The following TNRC6B variants were observed in gnomAD, a reference collection of about 807,000 sequenced individuals.
The protein encoded by TNRC6B is trinucleotide repeat-containing gene 6B protein.
TNRC6B carries 52 observed loss-of-function variants against 203.6 expected under a neutral mutation model. That is an observed-to-expected ratio of 0.26 (90% CI 0.20 to 0.32). The LOEUF is 0.32. Ranked by LOEUF, TNRC6B falls within the 10% of genes least tolerant of loss-of-function variation. The pLI, the probability that TNRC6B is intolerant of heterozygous loss-of-function variation, is 1.00. For missense variants in TNRC6B, 1,923 were observed against 2,286.2 expected, an observed-to-expected ratio of 0.84 and a Z score of 3.24; for synonymous variants, 838 against 845.7, an observed-to-expected ratio of 0.99 and a Z score of 0.16.
In TNRC6B at chr22:40,285,648, G is replaced by A. The variant is rs767892512; in HGVS notation, c.3586G>A (p.Gly1196Ser). The A allele has an allele frequency of 1.6e-5, 25 of 1,611,886 alleles. No individual in the cohort carries two copies. The highest frequency in any genetic ancestry group is 5.3e-5 in the African/African-American group (4 of 74,858). ...NPQNFAARQG[G>S]SHGLFGNSTA... ...ACTGCTGCTTTTCTGTTTACAGGGCGGTAGTCATGGTTTGTTTGGAAACAG... is the reference window on the plus strand; with the variant it reads ...ACTGCTGCTTTTCTGTTTACAGGGCAGTAGTCATGGTTTGTTTGGAAACAG... The change falls in exon 12 of 23, where the codon GGT (glycine) becomes AGT (serine). Residue 1196 changes from glycine (G) to serine (S), a missense_variant. Coordinates refer to ENST00000454349, the MANE Select transcript of TNRC6B (RefSeq NM_001162501.2).
intron 1 of TNRC6B, among the ~76,000 whole-genome samples, chr22:40,198,124 A>G (rs898660373): frequency 6.6e-6 from 1 of 152,118 alleles, no homozygotes; most frequent in African/African-American, 2.4e-5. Context: ...AGTCATTTGT[A>G]ATTAGACAAT....
chr22:40,256,517 A>T (rs2070280357), intron 3 of TNRC6B, among the ~76,000 whole-genome samples: 1 of 152,140 alleles, frequency 6.6e-6, no homozygotes, highest in Non-Finnish European at 1.5e-5. Context: ...TTTATTGGAG[A>T]AAAAATGGGG....
rs2069632558 is a variant in TNRC6B at position 40,216,183 on chromosome 22, G to GTCAGCTTTTTCTT, written c.6-29829_6-29817dup. 2.6e-5 allele frequency among the ~76,000 whole-genome samples: 4 copies of GTCAGCTTTTTCTT among 152,308 alleles called. No homozygotes were observed. The South Asian group carries it at 8.3e-4, about 32-fold the overall frequency. On this transcript the variant is annotated intron_variant, in intron 1 of 22. Coordinates refer to ENST00000454349, the MANE Select transcript of TNRC6B (RefSeq NM_001162501.2). ...AGATGCCCCGTCTGCTTCTTACCTAGTCAGCTTTTTCTTTCTTGGGCCTCA... is the reference window on the plus strand; with the variant it reads ...AGATGCCCCGTCTGCTTCTTACCTAGTCAGCTTTTTCTTTCAGCTTTTTCTTTCTTGGGCCTCA...
chr22:40,202,522 A>G (rs899184387), intron 1 of TNRC6B, among the ~76,000 whole-genome samples: 7 of 152,102 alleles, frequency 4.6e-5, no homozygotes, highest in African/African-American at 1.7e-4. Flanking sequence ...AAAGGAGTCC[A>G]TCTTTCAGAA....
chr22:40,131,167 G>A (rs1398374462), intron 3 of TNRC6B, among the ~76,000 whole-genome samples: 2 of 152,054 alleles, frequency 1.3e-5, no homozygotes, highest in Admixed American at 6.6e-5. Flanking sequence ...TGATCCGCCC[G>A]CCTCAGCCTC....
At chr22:40,261,084 A>C (rs2070374707) in intron 3 of TNRC6B, among the ~76,000 whole-genome samples, 1 of 152,046 alleles carries the variant, frequency 6.6e-6, no homozygotes, top group Non-Finnish European at 1.5e-5. Flanking sequence ...GTTCGAGACC[A>C]GTCTAGGTAG....
chr22:40,321,897 A>G (rs1438507901), intron 22 of TNRC6B: 1 of 152,330 alleles, frequency 6.6e-6, no homozygotes, highest in Non-Finnish European at 1.5e-5. Context: ...CTTGGGGGGT[A>G]GCAGGGTCTT....
rs572227537 is a variant in TNRC6B, at chr22:40,285,471, A to G, written c.3583-174A>G. On this transcript the variant is annotated intron_variant, in intron 11 of 22. Coordinates refer to ENST00000454349, the MANE Select transcript of TNRC6B (RefSeq NM_001162501.2). ...AAACTGTACAGGTGCCCATGAGTCAATCTGAGTAATTGCCCCAAGCCTTCT... is the reference window on the plus strand; with the variant it reads ...AAACTGTACAGGTGCCCATGAGTCAGTCTGAGTAATTGCCCCAAGCCTTCT... 5.3e-5 allele frequency among the ~76,000 whole-genome samples: 8 copies of G among 152,340 alleles called. No individual in the cohort carries two copies. In the East Asian group the frequency reaches 9.6e-4, roughly 18 times the overall value.
chr22:40,177,000 A>G (rs1410763995), upstream of TNRC6B, among the ~76,000 whole-genome samples: 2 of 152,140 alleles, frequency 1.3e-5, no homozygotes, highest in Non-Finnish European at 2.9e-5. Context: ...GAGGATGGGT[A>G]AGGGACTTAC....
At chr22:40,140,403 C>T (rs2068635160) in intron 3 of TNRC6B, among the ~76,000 whole-genome samples, 1 of 152,200 alleles carries the variant, frequency 6.6e-6, no homozygotes, top group South Asian at 2.1e-4. Context: ...AGGTTCTTCT[C>T]TCCTTTCTGC....
At chr22:40,067,104 A>G (rs2067900794) in intron 1 of TNRC6B, among the ~76,000 whole-genome samples, 2 of 152,052 alleles carry the variant, frequency 1.3e-5, no homozygotes, top group African/African-American at 4.8e-5. Context: ...GAGTTTCGCC[A>G]TGTTGCCCAG....
At chr22:40,132,659 A>AG (rs1391394189) in intron 3 of TNRC6B, among the ~76,000 whole-genome samples, 3 of 148,176 alleles carry the variant, frequency 2.0e-5, no homozygotes, top group Non-Finnish European at 3.0e-5. Context: ...AAAAAAAAAA[A>AG]AAGGCTGGGC....
intron 4 of TNRC6B, among the ~76,000 whole-genome samples, chr22:40,158,304 A>C (rs567948292): frequency 1.1e-3 from 170 of 151,938 alleles, no homozygotes; most frequent in African/African-American, 4.0e-3. Flanking sequence ...ACACCATTGC[A>C]CTCCAGCCTG....
chr22:40,229,340 A>C (rs1376856422), intron 1 of TNRC6B, among the ~76,000 whole-genome samples: 2 of 152,136 alleles, frequency 1.3e-5, no homozygotes, highest in African/African-American at 2.4e-5. Flanking sequence ...CAGTGTGCAC[A>C]CCCAGGGTGA....
rs1157478332 is a variant in TNRC6B, at chr22:40,266,275, A to C, written c.2045A>C (p.Glu682Ala). The change falls in exon 5 of 23, where the codon GAG (glutamate) becomes GCG (alanine). Residue 682 changes from glutamate (E) to alanine (A), a missense_variant. Glu to Ala is a moderately radical substitution (Grantham distance 107). Around this residue, in one of 8 missense-constraint regions of TNRC6B, gnomAD observed 599 missense variants for 656.5 expected, o/e 0.91. Transcript: ENST00000454349. ...AATCAAATGAAGTCTGGATGGGGGG[A>C]GCTCTCAGCCTCTACAGAGTGGAAA... is the stretch of plus-strand genomic sequence containing the variant. ...QSNQMKSGWG[E>A]LSASTEWKDP... is the part of the protein sequence containing the mutation. 1 of 1,592,010 alleles carries C rather than the reference A, an allele frequency of 6.3e-7. No individual in the cohort carries two copies.
At chr22:40,301,544 G>A (rs1467896835) in intron 15 of TNRC6B, 2 of 562,896 alleles carry the variant, frequency 3.6e-6, no homozygotes, top group African/African-American at 3.8e-5. Context: ...AGCAGAGCCA[G>A]GCCTCTAACT....
Position 40,131,522 on chromosome 22 carries a change from C to T in TNRC6B, c.45+5660C>T, listed in dbSNP as rs1195816571. Among the ~76,000 whole-genome samples, 4 of 151,748 alleles carry T rather than the reference C, an allele frequency of 2.6e-5. No individual in the cohort carries two copies. The East Asian group carries it at 7.7e-4, about 29-fold the overall frequency. On this transcript the variant is annotated intron_variant, in intron 3 of 23. Transcript: ENST00000301923. ...GCACAAGCATAATTCCTTATTTTTG[C>T]CTCCTTTCCTCCCCTCCTCTCTCCT...
At chr22:40,303,046 C>CTTCTTTT (rs1555898698) in intron 15 of TNRC6B, among the ~76,000 whole-genome samples, 1 of 90,062 alleles carries the variant, frequency 1.1e-5, no homozygotes, top group Non-Finnish European at 2.2e-5. Flanking sequence ...TCTTCTTCTT[C>CTTCTTTT]TTTTTTTTTT....
chr22:40,140,785 T>A (rs1232070494), intron 3 of TNRC6B, among the ~76,000 whole-genome samples: 1 of 151,876 alleles, frequency 6.6e-6, no homozygotes, highest in African/African-American at 2.4e-5. Flanking sequence ...GGACTACAGG[T>A]GCATGCCACC....
Sources: gnomAD v4.1 joint callset for allele counts (sites outside exome capture counted in the v4.1 genomes callset) on GRCh38, gnomAD v4.1.1 for gene constraint, gnomAD v4.1.1 regional missense constraint, MANE v1.5 for transcripts, NCBI Gene and HGNC (gene_info 2026-07-23, HGNC 2026-07-21) for gene names.